The following ACSM3 variants were observed in gnomAD, a reference collection of about 807,000 sequenced individuals.
ACSM3 encodes acyl-coenzyme A synthetase ACSM3, mitochondrial.
ACSM3 carries 61 observed loss-of-function variants against 74.1 expected under a neutral mutation model. That is an observed-to-expected ratio of 0.82 (90% CI 0.67 to 1.02). The LOEUF (loss-of-function observed/expected upper bound fraction) is 1.02, where lower values mean the gene tolerates loss of function less well. Ranked by LOEUF, ACSM3 falls within the 50% of genes least tolerant of loss-of-function variation. The pLI is 0.00. For synonymous variants in ACSM3, 213 were observed against 241.5 expected, an observed-to-expected ratio of 0.88 and a Z score of 1.09; for missense variants, 660 against 697.0, an observed-to-expected ratio of 0.95 and a Z score of 0.60.
At chr16:20,742,050 A>G in intron 1 of ACSM3, 3 of 1,386,218 alleles carry the variant, frequency 2.2e-6, no homozygotes, top group Non-Finnish European at 2.8e-6. Flanking sequence ...CTCCAGCCAT[A>G]TAGCTTCTTC....
rs762382067 is a variant in ACSM3 at position 20,777,515 on chromosome 16, G to A, written c.573G>A (p.Leu191=). The change falls in exon 4 of 14, where the codon CTG becomes CTA. Residue 191 remains leucine (L), a synonymous_variant. Transcript: ENST00000289416. ...CTGTTGCATCCAAATGTGAAAATCT[G>A]CACTCCAAGCTGATTGTATCAGAGA... is the stretch of plus-strand genomic sequence containing the variant. ...VDAVASKCEN[L]HSKLIVSENS... is the part of the protein sequence containing the mutation. 1.2e-5 allele frequency: 19 copies of A among 1,613,972 alleles called. No homozygotes were observed. Among genetic ancestry groups the A allele is most frequent in the Non-Finnish European group, 1.6e-5 (19 of 1,180,024 alleles).
intron 1 of ACSM3, among the ~76,000 whole-genome samples, chr16:20,718,827 A>C (rs1743478925): frequency 6.6e-6 from 1 of 152,122 alleles, no homozygotes; most frequent in African/African-American, 2.4e-5. Flanking sequence ...TTATTTTCCT[A>C]ATAGCATTTA....
chr16:20,701,348 CT>C (rs1381592819), intron 1 of ACSM3, among the ~76,000 whole-genome samples: 2 of 152,090 alleles, frequency 1.3e-5, no homozygotes, highest in Non-Finnish European at 2.9e-5. Context: ...TGACCAATGA[CT>C]TCCCCACTCA....
At chr16:20,742,875 A>G (rs990375149) in intron 1 of ACSM3, among the ~76,000 whole-genome samples, 13 of 145,900 alleles carry the variant, frequency 8.9e-5, no homozygotes, top group Non-Finnish European at 1.6e-4. Context: ...TTTGCTTATT[A>G]TATCTGCATT....
rs1596523338 is a variant in ACSM3 at position 20,781,201 on chromosome 16, A to G, written c.939+71A>G. On this transcript the variant is annotated intron_variant, in intron 6 of 13. Coordinates refer to ENST00000289416, the MANE Select transcript of ACSM3 (RefSeq NM_005622.4). ...AGTATGGCTGACAGAACTGGTGAATAAAGCAACTTGCAGAGATCAGAGTAG... is the reference window on the plus strand; with the variant it reads ...AGTATGGCTGACAGAACTGGTGAATGAAGCAACTTGCAGAGATCAGAGTAG... The G allele has an allele frequency of 2.6e-6, 4 of 1,551,192 alleles. No homozygotes were observed. The South Asian group carries it at 3.6e-5, about 14-fold the overall frequency.
rs549187174 is a variant in ACSM3 at position 20,694,430 on chromosome 16, A to G, written c.-190+19608A>G. 3.3e-5 allele frequency among the ~76,000 whole-genome samples: 5 copies of G among 152,360 alleles called. No homozygotes were observed. The South Asian group carries it at 8.3e-4, about 25-fold the overall frequency. On this transcript the variant is annotated intron_variant, in intron 1 of 3. Transcript: ENST00000561584. ...GCACCAAGGAACAAACATTTCAAAC[A>G]ATATTGTAGCCAAGTTGGTTCTAGA... is the stretch of plus-strand genomic sequence containing the variant.
chr16:20,695,819 A>G (rs1318396901), intron 1 of ACSM3, among the ~76,000 whole-genome samples: 1 of 152,044 alleles, frequency 6.6e-6, no homozygotes, highest in South Asian at 2.1e-4. Context: ...TTCTAAATCT[A>G]TTTCTGTATC....
chr16:20,728,762 T>G (rs576681817), intron 1 of ACSM3, among the ~76,000 whole-genome samples: 2 of 152,286 alleles, frequency 1.3e-5, no homozygotes, highest in African/African-American at 4.8e-5. Flanking sequence ...GGGCTTTTTA[T>G]TATACTATTT....
rs570972449 is a variant in ACSM3, at chr16:20,781,259, A to G, written c.939+129A>G. 1.7e-5 allele frequency: 20 copies of G among 1,196,318 alleles called. No individual in the cohort carries two copies. The African/African-American group carries it at 3.1e-4, about 18-fold the overall frequency. The allele number at this position is 1,196,318 out of a possible 1,614,324, so 74.1% of individuals were successfully genotyped here. Reference sequence around the variant, plus strand: ...GATTTAAGATATGTCACATCCAGAAAGTCAATAAGCCTGAAAAGATACACT... The same window carrying G: ...GATTTAAGATATGTCACATCCAGAAGGTCAATAAGCCTGAAAAGATACACT... On this transcript the variant is annotated intron_variant, in intron 6 of 13. Transcript: ENST00000289416.
intron 4 of ACSM3, among the ~76,000 whole-genome samples, chr16:20,778,950 G>A (rs534275093): frequency 2.6e-5 from 4 of 152,148 alleles, no homozygotes; most frequent in South Asian, 2.1e-4. Flanking sequence ...ATGGGGTTTC[G>A]TCATGTTAGC....
chr16:20,683,986 A>T (rs1045508679), intron 1 of ACSM3, among the ~76,000 whole-genome samples: 1 of 152,106 alleles, frequency 6.6e-6, no homozygotes, highest in Non-Finnish European at 1.5e-5. Context: ...TGAATGAATC[A>T]CCTATTTTAT....
At chr16:20,678,493 C>T (rs163255) in intron 1 of ACSM3, among the ~76,000 whole-genome samples, 25,359 of 152,060 alleles carry the variant, frequency 0.17, 2,704 homozygotes, top group African/African-American at 0.31. Context: ...TGAACTTCAC[C>T]GAATTACCCT....
At chr16:20,742,813 A>ATTTTTTT (rs372677216) in intron 1 of ACSM3, among the ~76,000 whole-genome samples, 1 of 66,820 alleles carries the variant, frequency 1.5e-5, no homozygotes, top group African/African-American at 4.3e-5. Flanking sequence ...ATATATATAT[A>ATTTTTTT]TTTTTTTTTT....
intron 9 of ACSM3, among the ~76,000 whole-genome samples, chr16:20,789,096 C>A (rs2080537205): frequency 6.6e-6 from 1 of 152,166 alleles, no homozygotes; most frequent in South Asian, 2.1e-4. Flanking sequence ...AGAGCAAAAT[C>A]TGATGTATAA....
chr16:20,701,735 C>T (rs1442552037), intron 1 of ACSM3, among the ~76,000 whole-genome samples: 2 of 151,960 alleles, frequency 1.3e-5, no homozygotes, highest in Admixed American at 6.6e-5. Flanking sequence ...ATGTTCCCCT[C>T]CCTGTGTCCA....
At chr16:20,774,239 C>CTTTTTTTTTTTTT (rs71377684) in intron 2 of ACSM3, among the ~76,000 whole-genome samples, 12 of 114,008 alleles carry the variant, frequency 1.1e-4, no homozygotes, top group East Asian at 2.5e-4. Context: ...TTTTCTGTGT[C>CTTTTTTTTTTTTT]TTTTTTTTTT....
chr16:20,753,555 G>A lies in ACSM3; in HGVS notation c.-95-2018G>A, dbSNP rs537184279. On this transcript the variant is annotated intron_variant, in intron 2 of 3. Coordinates refer to the ACSM3 transcript ENST00000561584. ...ATTATGGCTTTTTCAGGTATTAAATGGTATTGTGATTAGGTTTTAAAAGAG... is the reference window on the plus strand; with the variant it reads ...ATTATGGCTTTTTCAGGTATTAAATAGTATTGTGATTAGGTTTTAAAAGAG... Among the ~76,000 whole-genome samples the A allele has an allele frequency of 4.0e-5, 6 of 151,516 alleles. No homozygotes were observed. The East Asian group carries it at 1.2e-3, about 29-fold the overall frequency.
chr16:20,714,602 G>A (rs1403593235), intron 1 of ACSM3, among the ~76,000 whole-genome samples: 1 of 152,196 alleles, frequency 6.6e-6, no homozygotes, highest in Non-Finnish European at 1.5e-5. Flanking sequence ...GCAGGACTTA[G>A]AGAATATTGG....
chr16:20,758,103 G>T (rs1263694593), intron 3 of ACSM3, among the ~76,000 whole-genome samples: 43 of 145,896 alleles, frequency 2.9e-4, no homozygotes, highest in Non-Finnish European at 1.4e-4. Context: ...TCTCTTTTTT[G>T]GTTGTGTCTC....
Sources: allele counts gnomAD v4.1 joint callset (sites outside exome capture counted in the v4.1 genomes callset), GRCh38; gene constraint gnomAD v4.1.1; transcripts MANE v1.5; gene names NCBI Gene and HGNC (gene_info 2026-07-23, HGNC 2026-07-21).